The following APPL1 variants were observed in gnomAD, a reference collection of about 807,000 sequenced individuals.
APPL1 encodes DCC-interacting protein 13-alpha.
APPL1 carries 42 observed loss-of-function variants against 106.8 expected under a neutral mutation model. The ratio of observed to expected loss-of-function variants is 0.39; its 90% CI spans 0.31 to 0.51. The LOEUF (loss-of-function observed/expected upper bound fraction) is 0.51. APPL1 is among the 20% of genes least tolerant of loss of function. APPL1 has a pLI of 0.75. For missense variants in APPL1, 769 were observed against 858.2 expected (o/e 0.90, Z 1.30); for synonymous variants, 263 against 281.8 (o/e 0.93, Z 0.67).
At chr3:57,243,823 G>A (rs1360416108) in intron 7 of APPL1, among the ~76,000 whole-genome samples, 1 of 152,090 alleles carries the variant, frequency 6.6e-6, no homozygotes, top group Non-Finnish European at 1.5e-5. Context: ...ACTTCTGGCT[G>A]CTCAAAGTAT....
intron 11 of APPL1, among the ~76,000 whole-genome samples, chr3:57,251,937 G>A (rs1379022843): frequency 6.6e-6 from 1 of 152,042 alleles, no homozygotes; most frequent in Non-Finnish European, 1.5e-5. Flanking sequence ...ATATATATGA[G>A]TTCATAATAT....
At chr3:57,249,584 T>C (rs1384960022) in intron 11 of APPL1, 36 bp downstream of exon 11, 2 of 1,451,992 alleles carry the variant, frequency 1.4e-6, no homozygotes, top group Admixed American at 2.6e-5. Flanking sequence ...TAATCTATAG[T>C]ATATTAAACT....
chr3:57,260,215 C>G, intron 18 of APPL1, 62 bp downstream of exon 18: 1 of 1,477,236 alleles, frequency 6.8e-7, no homozygotes, highest in Admixed American at 2.0e-5. Flanking sequence ...CATCTTACAA[C>G]TTGATAATAA....
chr3:57,237,179 CGTAG>C (rs1207964940), intron 2 of APPL1, among the ~76,000 whole-genome samples: 1 of 152,120 alleles, frequency 6.6e-6, no homozygotes, highest in Non-Finnish European at 1.5e-5. Context: ...CAGTCATCAA[CGTAG>C]ATGCTCTAAA....
chr3:57,231,130 G>T (rs913782270), intron 1 of APPL1, among the ~76,000 whole-genome samples: 2 of 151,714 alleles, frequency 1.3e-5, no homozygotes, highest in Non-Finnish European at 2.9e-5. Flanking sequence ...ACGAGGTCAG[G>T]AGTTTGAGAC....
rs1292163124 is a variant in APPL1 at position 57,271,552 on chromosome 3, T to TTTTG, written c.*1869_*1872dup. The TTTTG allele has an allele frequency of 6.6e-6, 1 of 152,246 alleles. No homozygotes were observed. The highest frequency in any genetic ancestry group is 1.5e-5 in the Non-Finnish European group (1 of 68,032). The allele number at this position is 152,246 out of a possible 1,614,324, so 9.4% of individuals were successfully genotyped here. A position where few individuals can be genotyped will look rare whatever the true frequency, so the allele number is the denominator to read the frequency against. Reference sequence around the variant, plus strand: ...CTGGAGCTTTCTGTTCCATTAAGTCTTTTGTTTATACTACAAATTGTCACC... The same window carrying TTTTG: ...CTGGAGCTTTCTGTTCCATTAAGTCTTTTGTTTGTTTATACTACAAATTGTCACC... On this transcript the variant is annotated 3_prime_UTR_variant, in exon 22 of 22. Coordinates refer to ENST00000288266, the MANE Select transcript of APPL1 (RefSeq NM_012096.3).
rs1376103636 is a variant in APPL1 at position 57,270,627 on chromosome 3, G to C, written c.*940G>C. On this transcript the variant is annotated 3_prime_UTR_variant, in exon 22 of 22. Transcript: ENST00000288266. ...TTCATGCTTAAAGTAAAAATTCCCA[G>C]AGTTTAGTTTAGAAAATGTAATCTT... The C allele has an allele frequency of 6.6e-6, 1 of 152,580 alleles. No homozygotes were observed. The highest frequency in any genetic ancestry group is 6.5e-5 in the Admixed American group (1 of 15,268). 9.5% of individuals were successfully genotyped at this position (152,580 alleles called of 1,614,324 possible).
At chr3:57,241,586 G>A (rs1203453294) in intron 5 of APPL1, among the ~76,000 whole-genome samples, 3 of 152,096 alleles carry the variant, frequency 2.0e-5, no homozygotes, top group Admixed American at 6.5e-5. Context: ...ACTGCAACCC[G>A]TGCCACCTTT....
Position 57,246,126 on chromosome 3 carries a change from C to A in APPL1, c.525C>A (p.His175Gln). Residue 175 changes from histidine to glutamine, a missense_variant, in exon 8 of 22, where the codon CAC (histidine) becomes CAA (glutamine). By Grantham distance (24) the His-to-Gln change is conservative. Transcript: ENST00000288266. ...TGTACACATCCAGAAAGAAACAACA[C>A]CAGACCATGATGCATTATTTTTGTG... ...EDVYTSRKKQ[H>Q]QTMMHYFCAL... The A allele has an allele frequency of 1.2e-6, 2 of 1,611,836 alleles. No homozygotes were observed. Among genetic ancestry groups the A allele is most frequent in the Non-Finnish European group, 1.7e-6 (2 of 1,178,874 alleles).
rs544776973 is a variant in APPL1 at position 57,228,468 on chromosome 3, C to T, written c.54+531C>T. ...GGTCCCGGAGCCCAAGACCGCTCTC[C>T]CCGCCGAATGTGCCCGTGTCGCGGC... On this transcript the variant is annotated intron_variant, in intron 1 of 21. Transcript: ENST00000288266. This position sits in a 1 kb window ranked among gnomAD's most constrained non-coding sequence, Gnocchi z 4.6. Among the ~76,000 whole-genome samples, 2 of 152,328 alleles carry T rather than the reference C, an allele frequency of 1.3e-5. No homozygotes were observed. Among genetic ancestry groups the T allele is most frequent in the South Asian group, 4.1e-4 (2 of 4,826 alleles).
intron 3 of APPL1, 36 bp downstream of exon 3, chr3:57,237,587 A>G (rs1258708351): frequency 2.1e-6 from 3 of 1,427,156 alleles, no homozygotes; most frequent in East Asian, 4.8e-5. Context: ...CATAATTTTA[A>G]AAGTATAGTA....
At chr3:57,259,607 A>T (rs1159284480) in intron 16 of APPL1, among the ~76,000 whole-genome samples, 1 of 152,034 alleles carries the variant, frequency 6.6e-6, no homozygotes, top group Non-Finnish European at 1.5e-5. Flanking sequence ...CAGAACTGCC[A>T]GTTGTTGAAG....
At chr3:57,242,015 AT>A in intron 5 of APPL1, 85 bp from the exon 6 acceptor site, 1 of 938,446 alleles carries the variant, frequency 1.1e-6, no homozygotes, top group East Asian at 2.7e-5. Flanking sequence ...TTGAGTTTTA[AT>A]TATAGTTTAA....
chr3:57,237,432 A>C, intron 2 of APPL1, 60 bp from the exon 3 acceptor site: 1 of 1,179,944 alleles, frequency 8.5e-7, no homozygotes, highest in Admixed American at 2.4e-5. Flanking sequence ...TAGGTATTTA[A>C]TTAGAAAAAA....
Position 57,242,928 on chromosome 3 carries a change from T to G in APPL1, c.474+14T>G. On this transcript the variant is annotated intron_variant, in intron 7 of 21. Transcript: ENST00000288266. ...GAAAATGACAAGGTGTGGTACATAT[T>G]TATTCCTTCAGTGTCATAATTAACT... 1 of 1,596,392 alleles carries G rather than the reference T, an allele frequency of 6.3e-7. No individual in the cohort carries two copies. Among genetic ancestry groups the G allele is most frequent in the Non-Finnish European group, 8.6e-7 (1 of 1,165,374 alleles).
At chr3:57,252,428 C>A (rs1359419968) in intron 12 of APPL1, 117 bp downstream of exon 12, 3 of 667,304 alleles carry the variant, frequency 4.5e-6, no homozygotes, top group Non-Finnish European at 5.0e-6. Context: ...AATTAAAAAT[C>A]TTTCTTTTTC....
At chr3:57,229,918 T>G (rs1037627991) in intron 1 of APPL1, among the ~76,000 whole-genome samples, 2 of 152,116 alleles carry the variant, frequency 1.3e-5, no homozygotes, top group Admixed American at 6.5e-5. Context: ...TTTGCCATGT[T>G]GGCCAGGCTG....
intron 1 of APPL1, among the ~76,000 whole-genome samples, chr3:57,231,902 T>G (rs1267943088): frequency 1.3e-5 from 2 of 152,034 alleles, no homozygotes; most frequent in Admixed American, 1.3e-4. Context: ...TAACTACGTA[T>G]TAAATTAGGG....
chr3:57,240,905 A>G (rs2060743048), intron 5 of APPL1, among the ~76,000 whole-genome samples: 1 of 152,242 alleles, frequency 6.6e-6, no homozygotes. Flanking sequence ...TGAACAGTGA[A>G]GAGGAATTTG....
Sources: allele counts gnomAD v4.1 joint callset (sites outside exome capture counted in the v4.1 genomes callset), GRCh38; gene constraint gnomAD v4.1.1; non-coding constraint Gnocchi (gnomAD v3.1); transcripts MANE v1.5; gene names NCBI Gene and HGNC (gene_info 2026-07-23, HGNC 2026-07-21).